Variants in RANBP2 observed in about 807,000 individuals in gnomAD.
RANBP2 encodes the protein E3 SUMO-protein ligase RanBP2.
Under a neutral mutation model 303.6 loss-of-function variants are expected in RANBP2, and 57 were observed. That is an observed-to-expected ratio of 0.19 (90% confidence interval 0.15 to 0.23). RANBP2 has a LOEUF of 0.23. RANBP2 is among the 10% of genes least tolerant of loss of function. The pLI is 1.00. For synonymous variants in RANBP2, 1,167 were observed against 1,301.5 expected (o/e 0.90, Z 2.23); for missense variants, 3,138 against 3,780.8 (o/e 0.83, Z 4.46).
chr2:108,752,816 A>G (rs1420675879), intron 12 of RANBP2, among the ~76,000 whole-genome samples, 182 bp from the exon 13 acceptor site: 1 of 151,716 alleles, frequency 6.6e-6, no homozygotes, highest in Non-Finnish European at 1.5e-5. Flanking sequence ...AGTTGAGTGT[A>G]GAATGATCAC....
chr2:109,313,322 T>A, the RANBP2 span, among the ~76,000 whole-genome samples: 1 of 152,228 alleles, frequency 6.6e-6, no homozygotes, highest in Non-Finnish European at 1.5e-5. Context: ...GGCTGGCATC[T>A]GTGTTTCTTG....
chr2:109,218,576 C>T, the RANBP2 span, among the ~76,000 whole-genome samples: 4 of 152,170 alleles, frequency 2.6e-5, no homozygotes, highest in East Asian at 1.9e-4. Flanking sequence ...TTTCATCTCT[C>T]GGTCAAAATA....
intron 1 of RANBP2, 100 bp downstream of exon 1, chr2:108,719,778 C>G (rs1694066041): frequency 6.5e-7 from 1 of 1,527,704 alleles, no homozygotes; most frequent in East Asian, 2.5e-5. Flanking sequence ...CTCCCTGGCG[C>G]GCTCTGTTGA....
the RANBP2 span, chr2:109,615,308 C>T: frequency 3.1e-6 from 5 of 1,606,176 alleles, no homozygotes; most frequent in Non-Finnish European, 3.4e-6. Flanking sequence ...CGTGGATGCT[C>T]TCTGCCTCCG....
chr2:108,939,824 C>A, the RANBP2 span, among the ~76,000 whole-genome samples: 6 of 152,214 alleles, frequency 3.9e-5, no homozygotes, highest in South Asian at 2.1e-4. Context: ...GAAAGCAATA[C>A]TTTCAGCCTG....
the RANBP2 span, chr2:108,878,497 C>T: frequency 9.3e-6 from 2 of 215,802 alleles, no homozygotes; most frequent in Non-Finnish European, 9.9e-6. Flanking sequence ...CATATTTATG[C>T]TGTATCAAGG....
At chr2:109,129,152 G>A in the RANBP2 span, 88 of 395,952 alleles carry the variant, frequency 2.2e-4, no homozygotes, top group Admixed American at 1.3e-4. Flanking sequence ...CTGGCCGGCC[G>A]CTGCCCGCAC....
the RANBP2 span, among the ~76,000 whole-genome samples, chr2:108,991,346 C>T: frequency 6.6e-6 from 1 of 152,170 alleles, no homozygotes; most frequent in African/African-American, 2.4e-5. Context: ...CTGTTTTATA[C>T]ATTTCCTAAG....
chr2:109,246,677 G>A, the RANBP2 span, among the ~76,000 whole-genome samples: 3 of 152,198 alleles, frequency 2.0e-5, no homozygotes, highest in Admixed American at 2.0e-4. Flanking sequence ...AACGTGCCTG[G>A]TGGAATTGCC....
chr2:108,948,213 CT>C, the RANBP2 span, among the ~76,000 whole-genome samples: 1 of 152,230 alleles, frequency 6.6e-6, no homozygotes, highest in Admixed American at 6.5e-5. Flanking sequence ...CAATAAGTCC[CT>C]CATCTCCATC....
chr2:109,664,333 C>T, the RANBP2 span, among the ~76,000 whole-genome samples: 1 of 152,202 alleles, frequency 6.6e-6, no homozygotes, highest in Non-Finnish European at 1.5e-5. Flanking sequence ...TGGCCAGGCA[C>T]AGTGACTCAC....
At chr2:109,251,887 C>G in the RANBP2 span, among the ~76,000 whole-genome samples, 1 of 152,130 alleles carries the variant, frequency 6.6e-6, no homozygotes, top group Non-Finnish European at 1.5e-5. Flanking sequence ...TTCCAGGGTT[C>G]TAGACTTTGA....
At chr2:109,346,293 C>T in the RANBP2 span, among the ~76,000 whole-genome samples, 6 of 152,048 alleles carry the variant, frequency 3.9e-5, no homozygotes, top group South Asian at 2.1e-4. Flanking sequence ...TAACTGCTGT[C>T]GTTTGACGTT....
At chr2:109,217,421 G>A in the RANBP2 span, among the ~76,000 whole-genome samples, 11 of 152,212 alleles carry the variant, frequency 7.2e-5, no homozygotes, top group Non-Finnish European at 1.5e-4. Context: ...ACCTTAGTCT[G>A]CTCACCAGAT....
At chr2:109,348,018 C>T in the RANBP2 span, 13 of 1,518,960 alleles carry the variant, frequency 8.6e-6, no homozygotes, top group Non-Finnish European at 1.2e-5. Flanking sequence ...CTCTTCCCAG[C>T]CACAGACCTA....
At chr2:109,130,326 GTGGAGTGGGCACGCCTTCC>G in the RANBP2 span, among the ~76,000 whole-genome samples, 1 of 152,222 alleles carries the variant, frequency 6.6e-6, no homozygotes, top group Non-Finnish European at 1.5e-5. Context: ...CCATCCTCCT[GTGGAGTGGGCACGCCTTCC>G]TGTCCCGTCG....
chr2:108,790,196 C>G (rs1012545583), downstream of RANBP2, among the ~76,000 whole-genome samples: 19 of 152,080 alleles, frequency 1.2e-4, no homozygotes, highest in South Asian at 8.3e-4. Flanking sequence ...TCTAGTTGAT[C>G]TAGATTTAGG....
the RANBP2 span, among the ~76,000 whole-genome samples, chr2:109,011,963 C>T: frequency 1.3e-5 from 2 of 152,088 alleles, no homozygotes; most frequent in African/African-American, 4.8e-5. Context: ...CAACATCTTC[C>T]CGTACCTTTC....
At chr2:108,846,541 G>T in the RANBP2 span, among the ~76,000 whole-genome samples, 1 of 151,684 alleles carries the variant, frequency 6.6e-6, no homozygotes, top group Admixed American at 6.6e-5. Flanking sequence ...CCTGAGTGTG[G>T]TAGTGAGTGC....
Sources: gnomAD v4.1 joint callset for allele counts (sites outside exome capture counted in the v4.1 genomes callset) on GRCh38, gnomAD v4.1.1 for gene constraint, MANE v1.5 for transcripts, NCBI Gene and HGNC (gene_info 2026-07-23, HGNC 2026-07-21) for gene names.